Variants in GXYLT1 observed in about 807,000 individuals in gnomAD.
GXYLT1 encodes glycosyltransferase 8 domain containing 3.
In GXYLT1, 29 loss-of-function variants were observed where a neutral mutation model predicts 54.0. The observed-to-expected ratio is 0.54, with a 90% CI of 0.40 to 0.73. The LOEUF (loss-of-function observed/expected upper bound fraction) is 0.73. Among genes scored for constraint, GXYLT1 ranks in the 30% least tolerant of loss-of-function variants. GXYLT1 has a pLI of 0.00. For missense variants in GXYLT1, 490 were observed against 553.4 expected, an observed-to-expected ratio of 0.89 and a Z score of 1.15; for synonymous variants, 176 against 204.1, an observed-to-expected ratio of 0.86 and a Z score of 1.17.
chr12:42,132,784 G>T lies in GXYLT1; in HGVS notation c.222-2933C>A, dbSNP rs929362403. Among the ~76,000 whole-genome samples the T allele has an allele frequency of 6.9e-5, 10 of 144,400 alleles. 1 individual carries two copies. In the South Asian group the frequency reaches 8.8e-4, roughly 13 times the overall value. 94.7% of individuals were successfully genotyped at this position (144,400 alleles called of 152,430 possible). On this transcript the variant is annotated intron_variant, in intron 1 of 7. Coordinates refer to ENST00000398675, the MANE Select transcript of GXYLT1 (RefSeq NM_173601.2). ...TATTTGGGGGCAATGTTTTTGTTTT[G>T]TTTTTTTTTTTAAGTTGATGCAAGA... is the stretch of plus-strand genomic sequence containing the variant.
Position 42,106,081 on chromosome 12 carries a change from G to A in GXYLT1, c.613-12C>T, listed in dbSNP as rs753677591. Reference sequence around the variant, plus strand: ...TCTTTCAGGATTAACTACAAGGAGAGATATTTGAATGATTAACTATAATTC... The same window carrying A: ...TCTTTCAGGATTAACTACAAGGAGAAATATTTGAATGATTAACTATAATTC... On this transcript the variant is annotated splice_polypyrimidine_tract_variant and intron_variant, in intron 4 of 7. Transcript: ENST00000398675. 2 of 1,428,818 alleles carry A rather than the reference G, an allele frequency of 1.4e-6. No homozygotes were observed. The highest frequency in any genetic ancestry group is 3.0e-5 in the South Asian group (2 of 67,680). The allele number at this position is 1,428,818 out of a possible 1,614,324, so 88.5% of individuals were successfully genotyped here.
chr12:42,084,894 T>A lies in GXYLT1; in HGVS notation c.*2892A>T, dbSNP rs1344070358. The A allele has an allele frequency of 6.6e-6, 1 of 152,292 alleles. No homozygotes were observed. The highest frequency in any genetic ancestry group is 1.5e-5 in the Non-Finnish European group (1 of 68,052). The allele number at this position is 152,292 out of a possible 1,614,324, so 9.4% of individuals were successfully genotyped here. ...GAAGTTTGACTGCATTTTAAAGGCA[T>A]CCCACTTTGGTAATACTGTAGCCCA... On this transcript the variant is annotated 3_prime_UTR_variant, in exon 8 of 8. Coordinates refer to ENST00000398675, the MANE Select transcript of GXYLT1 (RefSeq NM_173601.2).
rs2136867908 is a variant in GXYLT1 at position 42,086,987 on chromosome 12, T to C, written c.*799A>G. ...TATATTTTGCTTCCAGAATGCCCAGTAAAGCTGACGTTTTTCATTTAAAGT... is the reference window on the plus strand; with the variant it reads ...TATATTTTGCTTCCAGAATGCCCAGCAAAGCTGACGTTTTTCATTTAAAGT... On this transcript the variant is annotated 3_prime_UTR_variant, in exon 8 of 8. Transcript: ENST00000398675. 1 of 152,248 alleles carries C rather than the reference T, an allele frequency of 6.6e-6. No individual in the cohort carries two copies. Among genetic ancestry groups the C allele is most frequent in the African/African-American group, 2.4e-5 (1 of 41,546 alleles). The allele number at this position is 152,248 out of a possible 1,614,324, so 9.4% of individuals were successfully genotyped here.
intron 7 of GXYLT1, among the ~76,000 whole-genome samples, chr12:42,093,344 G>A (rs824728): frequency 0.02 from 3,004 of 151,978 alleles, 115 homozygotes; most frequent in African/African-American, 0.068. Flanking sequence ...CAGGTGATCC[G>A]CCCGCCTCAG....
intron 5 of GXYLT1, among the ~76,000 whole-genome samples, chr12:42,098,570 T>C (rs1238608831): frequency 1.3e-5 from 2 of 151,422 alleles, no homozygotes; most frequent in East Asian, 1.9e-4. Flanking sequence ...AACAATATGA[T>C]TGACAAAAAT....
At chr12:42,143,710 G>C (rs1018449022) in intron 1 of GXYLT1, among the ~76,000 whole-genome samples, 1 of 152,100 alleles carries the variant, frequency 6.6e-6, no homozygotes, top group African/African-American at 2.4e-5. Context: ...ATCTCATGTT[G>C]ATTCCCACTC....
At chr12:42,125,535 G>A (rs1418572623) in intron 2 of GXYLT1, among the ~76,000 whole-genome samples, 2 of 152,158 alleles carry the variant, frequency 1.3e-5, no homozygotes, top group Admixed American at 6.5e-5. Context: ...AGATCAAAGA[G>A]CTGAGTAACT....
chr12:42,117,948 C>T (rs896184576), intron 3 of GXYLT1, among the ~76,000 whole-genome samples: 9 of 152,178 alleles, frequency 5.9e-5, no homozygotes, highest in Non-Finnish European at 8.8e-5. Flanking sequence ...TTCACTCCCT[C>T]TCTGAATAGA....
At position 42,087,786 on chromosome 12, in the gene GXYLT1, TCACTTTTCCTTTGGTGATCTGG is replaced by T. The variant is rs761717931; in HGVS notation, c.1301_1322del (p.Ala434AspfsTer4). On this transcript the variant is annotated frameshift_variant and stop_lost, in exon 8 of 8. Transcript: ENST00000398675. LOFTEE classifies it high-confidence loss of function. Reference sequence around the variant, plus strand: ...CATTTGATTAAGCAGTCACCAAGAATCACTTTTCCTTTGGTGATCTGGCATAACGATCTCTTACACTTTTTGC... The same window carrying T: ...CATTTGATTAAGCAGTCACCAAGAATCATAACGATCTCTTACACTTTTTGC... 21 of 1,592,942 alleles carry T rather than the reference TCACTTTTCCTTTGGTGATCTGG, an allele frequency of 1.3e-5. No individual in the cohort carries two copies. Among genetic ancestry groups the T allele is most frequent in the Non-Finnish European group, 1.8e-5 (21 of 1,168,504 alleles).
intron 3 of GXYLT1, among the ~76,000 whole-genome samples, chr12:42,112,027 G>C (rs1301497894): frequency 2.6e-5 from 4 of 152,164 alleles, no homozygotes; most frequent in African/African-American, 4.8e-5. Context: ...AGGCAAACAG[G>C]GTCTGGAGTG....
At chr12:42,104,147 G>GCTA (rs1488989338) in intron 5 of GXYLT1, among the ~76,000 whole-genome samples, 4 of 152,028 alleles carry the variant, frequency 2.6e-5, no homozygotes, top group Non-Finnish European at 5.9e-5. Flanking sequence ...GAACTATATA[G>GCTA]CTATTTTTAA....
chr12:42,093,077 G>A (rs1051786806), intron 7 of GXYLT1, among the ~76,000 whole-genome samples: 1 of 152,092 alleles, frequency 6.6e-6, no homozygotes, highest in Non-Finnish European at 1.5e-5. Flanking sequence ...CCTAATATAC[G>A]AAGCTAATAT....
intron 7 of GXYLT1, among the ~76,000 whole-genome samples, chr12:42,090,853 C>T (rs2065325071): frequency 6.6e-6 from 1 of 152,178 alleles, no homozygotes; most frequent in Non-Finnish European, 1.5e-5. Context: ...GCAGAAAATA[C>T]CTTATAGAGC....
intron 1 of GXYLT1, among the ~76,000 whole-genome samples, chr12:42,137,568 C>T (rs893799786): frequency 3.6e-5 from 5 of 140,476 alleles, no homozygotes; most frequent in Non-Finnish European, 7.6e-5. Flanking sequence ...CTGGCTAACA[C>T]GGTGCGGTGA....
chr12:42,096,807 TTGAC>T (rs1465160673), intron 7 of GXYLT1, among the ~76,000 whole-genome samples: 1 of 152,146 alleles, frequency 6.6e-6, no homozygotes, highest in Non-Finnish European at 1.5e-5. Context: ...AAATGACATT[TTGAC>T]TGACTGATCA....
chr12:42,117,451 CG>C (rs1166356533), intron 3 of GXYLT1, among the ~76,000 whole-genome samples: 7 of 151,426 alleles, frequency 4.6e-5, no homozygotes, highest in African/African-American at 1.5e-4. Context: ...AAAGTATAAA[CG>C]TTTTTGGCAG....
chr12:42,109,484 A>C, intron 4 of GXYLT1, 82 bp downstream of exon 4: 1 of 917,120 alleles, frequency 1.1e-6, no homozygotes, highest in South Asian at 3.7e-5. Flanking sequence ...ATTATATGTA[A>C]CTCTTCAGAG....
chr12:42,126,555 T>C (rs1388094720), intron 2 of GXYLT1, among the ~76,000 whole-genome samples: 1 of 152,196 alleles, frequency 6.6e-6, no homozygotes, highest in Admixed American at 6.5e-5. Flanking sequence ...ATGAGAAATA[T>C]GAAGACCATA....
At chr12:42,136,609 C>G (rs1485395872) in intron 1 of GXYLT1, among the ~76,000 whole-genome samples, 1 of 152,102 alleles carries the variant, frequency 6.6e-6, no homozygotes, top group Non-Finnish European at 1.5e-5. Flanking sequence ...GCACAAGGTA[C>G]CTTTGCGGTG....
Sources: allele counts gnomAD v4.1 joint callset (sites outside exome capture counted in the v4.1 genomes callset), GRCh38; gene constraint gnomAD v4.1.1; transcripts MANE v1.5; gene names NCBI Gene and HGNC (gene_info 2026-07-23, HGNC 2026-07-21).